The following GDPD4 variants were observed in gnomAD, a reference collection of about 807,000 sequenced individuals.
The protein encoded by GDPD4 is glycerophosphodiester phosphodiesterase domain containing 4.
Under a neutral mutation model 67.8 loss-of-function variants are expected in GDPD4, and 60 were observed. That is an observed-to-expected ratio of 0.88 (90% confidence interval 0.72 to 1.10). The LOEUF (loss-of-function observed/expected upper bound fraction) is 1.10, where lower values mean the gene tolerates loss of function less well. Among genes scored for constraint, GDPD4 ranks in the 50% least tolerant of loss-of-function variants. GDPD4 has a pLI of 0.00. For missense variants in GDPD4, 623 were observed against 613.9 expected, an observed-to-expected ratio of 1.01 and a Z score of -0.16; for synonymous variants, 212 against 210.9, an observed-to-expected ratio of 1.00 and a Z score of -0.04.
chr11:77,218,030 T>C (rs1958156837), intron 16 of GDPD4, among the ~76,000 whole-genome samples: 1 of 151,964 alleles, frequency 6.6e-6, no homozygotes. Context: ...TTATAAATAT[T>C]CAAAGCTTTT....
chr11:77,274,251 T>C (rs1168383959), intron 5 of GDPD4, among the ~76,000 whole-genome samples: 1 of 152,254 alleles, frequency 6.6e-6, no homozygotes, highest in Non-Finnish European at 1.5e-5. Flanking sequence ...CTAATAACTC[T>C]AAATTTATAT....
chr11:77,240,130 T>A (rs117716925), intron 13 of GDPD4, among the ~76,000 whole-genome samples: 3 of 150,652 alleles, frequency 2.0e-5, no homozygotes, highest in African/African-American at 2.4e-5. Context: ...TTCACAGAAA[T>A]AAAAAAAAAA....
At chr11:77,276,138 C>G in intron 5 of GDPD4, 23 bp downstream of exon 5, 1 of 1,591,884 alleles carries the variant, frequency 6.3e-7, no homozygotes, top group South Asian at 1.1e-5. Context: ...CTAAGGTTTC[C>G]TATGTGGACT....
chr11:77,228,022 C>T (rs1213422056), intron 15 of GDPD4, 106 bp from the exon 16 acceptor site: 2 of 814,582 alleles, frequency 2.5e-6, no homozygotes, highest in Non-Finnish European at 4.3e-6. Context: ...TTGAAACTTA[C>T]AATCCTATAG....
intron 11 of GDPD4, among the ~76,000 whole-genome samples, chr11:77,255,356 T>C (rs1958983491): frequency 1.3e-5 from 2 of 151,890 alleles, no homozygotes; most frequent in South Asian, 4.2e-4. Context: ...CACCTGAGGT[T>C]AGGAGTTCGA....
intron 8 of GDPD4, among the ~76,000 whole-genome samples, chr11:77,269,388 CAGG>C (rs1407760469): frequency 6.6e-6 from 1 of 152,086 alleles, no homozygotes; most frequent in Non-Finnish European, 1.5e-5. Context: ...AGCAGCTTCT[CAGG>C]AGGAGGAGGA....
At chr11:77,297,427 T>G (rs1014787221) in intron 1 of GDPD4, among the ~76,000 whole-genome samples, 43 of 151,086 alleles carry the variant, frequency 2.8e-4, no homozygotes, top group Non-Finnish European at 5.3e-4. Flanking sequence ...TCCCAGCTAG[T>G]CGGGAGGCTG....
chr11:77,296,428 C>G (rs1048419848), intron 1 of GDPD4, among the ~76,000 whole-genome samples: 25 of 150,404 alleles, frequency 1.7e-4, no homozygotes, highest in African/African-American at 6.1e-4. Flanking sequence ...TCAAGCAATT[C>G]TCCTACCTCA....
Position 77,245,461 on chromosome 11 carries a change from A to G in GDPD4, c.906T>C (p.Asp302=), listed in dbSNP as rs369664698. Residue 302 remains aspartate (D), a synonymous_variant, in exon 12 of 17, where the codon GAT becomes GAC. Transcript: ENST00000315938. ...TTGACTGATTTCTTGCTCTTTCTTT[A>G]TCTGCCTCTGATAGAGGTTTCATAT... ...FYNMKPLSEA[D]KERARNQSIP... 8.1e-6 allele frequency: 13 copies of G among 1,614,030 alleles called. No homozygotes were observed. The African/African-American group carries it at 1.7e-4, about 22-fold the overall frequency.
chr11:77,220,038 T>C (rs1401521007), intron 16 of GDPD4, among the ~76,000 whole-genome samples: 1 of 152,180 alleles, frequency 6.6e-6, no homozygotes, highest in Admixed American at 6.6e-5. Flanking sequence ...GATTTTGGGC[T>C]GAGACTATGG....
chr11:77,258,223 A>G (rs1348013230), intron 11 of GDPD4, among the ~76,000 whole-genome samples, 163 bp downstream of exon 11: 1 of 152,232 alleles, frequency 6.6e-6, no homozygotes, highest in Non-Finnish European at 1.5e-5. Flanking sequence ...TCACTTCATT[A>G]CTGAAAAAGC....
chr11:77,298,412 T>C (rs1938049480), intron 1 of GDPD4, among the ~76,000 whole-genome samples: 1 of 152,142 alleles, frequency 6.6e-6, no homozygotes, highest in Non-Finnish European at 1.5e-5. Context: ...CTTGCGAAGC[T>C]GAGGCATGAA....
intron 13 of GDPD4, among the ~76,000 whole-genome samples, chr11:77,242,435 A>G (rs1958686641): frequency 6.6e-6 from 1 of 152,208 alleles, no homozygotes; most frequent in East Asian, 1.9e-4. Flanking sequence ...CAGTTAAAAC[A>G]GCAAGAATAA....
At chr11:77,248,498 C>G (rs1258403909) in intron 11 of GDPD4, among the ~76,000 whole-genome samples, 1 of 151,962 alleles carries the variant, frequency 6.6e-6, no homozygotes, top group African/African-American at 2.4e-5. Context: ...CCATGCCCGG[C>G]CAACAATACA....
intron 13 of GDPD4, among the ~76,000 whole-genome samples, chr11:77,240,147 A>C (rs903175863): frequency 1.3e-5 from 2 of 152,070 alleles, no homozygotes; most frequent in African/African-American, 4.8e-5. Context: ...AAAATCCTTA[A>C]ATTTGTATGA....
chr11:77,281,020 T>A (rs1959731710), intron 3 of GDPD4, among the ~76,000 whole-genome samples: 1 of 152,220 alleles, frequency 6.6e-6, no homozygotes, highest in Non-Finnish European at 1.5e-5. Flanking sequence ...TTCTTCTGAC[T>A]TAGTATTTTT....
At chr11:77,223,909 C>A (rs1258503731) in intron 16 of GDPD4, among the ~76,000 whole-genome samples, 1 of 152,186 alleles carries the variant, frequency 6.6e-6, no homozygotes, top group Non-Finnish European at 1.5e-5. Context: ...TGGCAGACAC[C>A]CCTCCCCTAG....
chr11:77,297,978 A>G lies in GDPD4; in HGVS notation c.-254+3627T>C, dbSNP rs928574922. On this transcript the variant is annotated intron_variant, in intron 1 of 16. Transcript: ENST00000315938. The stretch of plus-strand genomic sequence containing the variant: ...ACATCTATACAATACACTAGGCAGC[A>G]TGGAGAATAGAGTGATTAACCCAGC... Among the ~76,000 whole-genome samples, 67 of 152,186 alleles carry G rather than the reference A, an allele frequency of 4.4e-4. 2 individuals are homozygous for G. The highest frequency in any genetic ancestry group is 3.3e-3 in the Admixed American group (50 of 15,274).
chr11:77,232,559 GCA>G (rs1958473774), intron 14 of GDPD4, among the ~76,000 whole-genome samples: 1 of 152,154 alleles, frequency 6.6e-6, no homozygotes, highest in Non-Finnish European at 1.5e-5. Context: ...ATTTGTTAGG[GCA>G]CACAGTTTCC....
Sources: gnomAD v4.1 joint callset for allele counts (sites outside exome capture counted in the v4.1 genomes callset) on GRCh38, gnomAD v4.1.1 for gene constraint, MANE v1.5 for transcripts, NCBI Gene and HGNC (gene_info 2026-07-23, HGNC 2026-07-21) for gene names.